The following NEDD4L variants were observed in gnomAD, a reference collection of about 807,000 sequenced individuals.
NEDD4L encodes E3 ubiquitin-protein ligase NEDD4-like.
A neutral mutation model predicts 148.9 loss-of-function variants in NEDD4L; 54 were observed. The observed-to-expected ratio is 0.36, with a 90% confidence interval of 0.29 to 0.45. The LOEUF (loss-of-function observed/expected upper bound fraction) is 0.45, where lower values mean the gene tolerates loss of function less well. Ranked by LOEUF, NEDD4L falls within the 20% of genes least tolerant of loss-of-function variation. The pLI is 1.00. For synonymous variants in NEDD4L, 433 were observed against 440.7 expected, an observed-to-expected ratio of 0.98 and a Z score of 0.22; for missense variants, 856 against 1,233.8, an observed-to-expected ratio of 0.69 and a Z score of 4.59.
rs1351559323 is a variant in NEDD4L, at chr18:58,044,329, A to G, written c.-332A>G. The stretch of plus-strand genomic sequence containing the variant: ...GGCGGAGAGCGGCGGGGCGGGAGGG[A>G]GGCGCGGGTCGCGGGGAGGGAAAGC... On this transcript the variant is annotated 5_prime_UTR_variant, in exon 1 of 31. Transcript: ENST00000400345. 2 of 152,958 alleles carry G rather than the reference A, an allele frequency of 1.3e-5. No individual in the cohort carries two copies. The highest frequency in any genetic ancestry group is 1.9e-4 in the East Asian group (1 of 5,228). The allele number at this position is 152,958 out of a possible 1,614,324, so 9.5% of individuals were successfully genotyped here. A position where few individuals can be genotyped will look rare whatever the true frequency, so the allele number is the denominator to read the frequency against.
intron 1 of NEDD4L, chr18:58,149,632 A>G: frequency 1.1e-6 from 1 of 931,486 alleles, no homozygotes; most frequent in Non-Finnish European, 1.7e-6. Flanking sequence ...AGCTCTCCAC[A>G]TCCACCCATA....
chr18:58,078,914 G>C (rs1332098329), intron 1 of NEDD4L, among the ~76,000 whole-genome samples: 1 of 152,128 alleles, frequency 6.6e-6, no homozygotes, highest in Non-Finnish European at 1.5e-5. Flanking sequence ...TCTCTGGATA[G>C]GTGTCAGTTC....
At chr18:58,069,877 G>A (rs190241976) in intron 1 of NEDD4L, among the ~76,000 whole-genome samples, 1 of 152,322 alleles carries the variant, frequency 6.6e-6, no homozygotes, top group African/African-American at 2.4e-5. Context: ...TGAACCTTGT[G>A]TTTTAACCTG....
In NEDD4L at chr18:58,342,928, G is replaced by A. The variant is rs781089843; in HGVS notation, c.1400G>A (p.Arg467His). The A allele has an allele frequency of 1.9e-5, 31 of 1,611,108 alleles. No homozygotes were observed. The highest frequency in any genetic ancestry group is 1.6e-4 in the Middle Eastern group (1 of 6,074). ...PLEGAKDSPVRRAVKDTLSNP... is the reference protein window; with the variant it reads ...PLEGAKDSPVHRAVKDTLSNP... ...TAGGGTGCCAAGGACTCACCCGTAC[G>A]TCGGGCTGTGAAAGACACCCTTTCC... Residue 467 changes from arginine to histidine, a missense_variant, in exon 16 of 31, where the codon CGT (arginine) becomes CAT (histidine). Coordinates refer to ENST00000400345, the MANE Select transcript of NEDD4L (RefSeq NM_001144967.3).
Position 58,386,145 on chromosome 18 carries a change from C to T in NEDD4L, c.2487+559C>T, listed in dbSNP as rs376336824. ...TCGGCTCACTGCAGCCTCTGCCTCC[C>T]GGGTTCAAGCAATTCTCCTGCCTCA... On this transcript the variant is annotated intron_variant, in intron 26 of 30. Transcript: ENST00000400345. Among the ~76,000 whole-genome samples the T allele has an allele frequency of 3.7e-4, 57 of 152,110 alleles. No individual in the cohort carries two copies. In the South Asian group the frequency reaches 7.7e-3, roughly 21 times the overall value.
intron 5 of NEDD4L, among the ~76,000 whole-genome samples, chr18:58,260,466 T>C (rs954149030): frequency 1.3e-5 from 2 of 152,228 alleles, no homozygotes; most frequent in Non-Finnish European, 2.9e-5. Flanking sequence ...ACTTCACAAT[T>C]TGAAGAATGC....
chr18:58,201,163 T>C (rs1168352454), intron 2 of NEDD4L, among the ~76,000 whole-genome samples: 1 of 152,102 alleles, frequency 6.6e-6, no homozygotes, highest in Non-Finnish European at 1.5e-5. Context: ...TGAAACCCCA[T>C]CTCTACTAAA....
At chr18:58,214,579 A>T in intron 2 of NEDD4L, among the ~76,000 whole-genome samples, 1 of 136,716 alleles carries the variant, frequency 7.3e-6, no homozygotes, top group Non-Finnish European at 1.5e-5. Context: ...TCATATAGTA[A>T]GGATTCCATA....
At chr18:58,374,019 A>G (rs2146362804) in intron 24 of NEDD4L, among the ~76,000 whole-genome samples, 1 of 152,308 alleles carries the variant, frequency 6.6e-6, no homozygotes, top group South Asian at 2.1e-4. Flanking sequence ...GCCCAGAGGT[A>G]TTTCCCATCC....
intron 1 of NEDD4L, chr18:58,045,323 G>A (rs1355333512): frequency 5.1e-6 from 2 of 395,114 alleles, no homozygotes; most frequent in Non-Finnish European, 8.9e-6. Context: ...TTCAAGGCTG[G>A]TGGCAGGTGC....
chr18:58,161,085 C>T (rs1295418898), intron 1 of NEDD4L, among the ~76,000 whole-genome samples: 19 of 152,158 alleles, frequency 1.2e-4, no homozygotes, highest in Middle Eastern at 6.8e-3. Context: ...GGTGCGATCC[C>T]GGCTCACTGC....
intron 5 of NEDD4L, among the ~76,000 whole-genome samples, chr18:58,286,894 T>C (rs894145386): frequency 1.3e-5 from 2 of 152,226 alleles, no homozygotes; most frequent in Non-Finnish European, 1.5e-5. Flanking sequence ...GAGAGTCATC[T>C]ATGGTTGCCA....
At chr18:58,063,039 CTTTTTTTTTTTTTT>C (rs74183235) in intron 1 of NEDD4L, among the ~76,000 whole-genome samples, 1 of 91,152 alleles carries the variant, frequency 1.1e-5, no homozygotes, top group Non-Finnish European at 1.9e-5. Context: ...TTTATTTGTT[CTTTTTTTTTTTTTT>C]TTTTTTTTTT....
intron 2 of NEDD4L, among the ~76,000 whole-genome samples, chr18:58,241,762 A>G (rs1008303804): frequency 6.6e-6 from 1 of 151,982 alleles, no homozygotes; most frequent in African/African-American, 2.4e-5. Context: ...TTCTTGGCAT[A>G]TAGTAGGCAC....
In NEDD4L at chr18:58,256,588, A is replaced by C. The variant is rs1427841632; in HGVS notation, c.297+4534A>C. 3.2e-6 allele frequency: 4 copies of C among 1,232,112 alleles called. No homozygotes were observed. In the South Asian group the frequency reaches 1.2e-4, roughly 38 times the overall value. The allele number at this position is 1,232,112 out of a possible 1,614,324, so 76.3% of individuals were successfully genotyped here. A position where few individuals can be genotyped will look rare whatever the true frequency, so the allele number is the denominator to read the frequency against. ...CTCGAGCTGGCAGGATGGCTCCTGA[A>C]ATCCGCAGGACGAACTCCGCGGAGA... On this transcript the variant is annotated intron_variant, in intron 5 of 30. Transcript: ENST00000400345. This position sits in a 1 kb window ranked among gnomAD's most constrained non-coding sequence, Gnocchi z 5.2.
At chr18:58,342,244 A>G (rs1034553387) in intron 15 of NEDD4L, among the ~76,000 whole-genome samples, 3 of 152,184 alleles carry the variant, frequency 2.0e-5, no homozygotes, top group African/African-American at 4.8e-5. Flanking sequence ...TTTCTGATGC[A>G]TATTTGCATC....
chr18:58,383,630 C>T lies in NEDD4L; in HGVS notation c.2426+311C>T, dbSNP rs145753414. ...TATCAACTAAGATTTAGAATTGCAA[C>T]GGAGAACCACGGTGTCAGTGACCAG... On this transcript the variant is annotated intron_variant, in intron 25 of 30. Transcript: ENST00000400345. Among the ~76,000 whole-genome samples, 696 of 152,220 alleles carry T rather than the reference C, an allele frequency of 4.6e-3. 4 individuals are homozygous for T. Among genetic ancestry groups the T allele is most frequent in the African/African-American group, 0.016 (649 of 41,538 alleles).
intron 10 of NEDD4L, 79 bp downstream of exon 10, chr18:58,329,206 TC>T: frequency 6.9e-7 from 1 of 1,453,236 alleles, no homozygotes. Context: ...TATCATAATT[TC>T]TTCTGTCAGT....
chr18:58,061,955 T>C (rs1285649049), intron 1 of NEDD4L, among the ~76,000 whole-genome samples: 2 of 152,168 alleles, frequency 1.3e-5, no homozygotes, highest in Admixed American at 1.3e-4. Context: ...TTTCCAGTTC[T>C]GGGAAGATTC....
Sources: gnomAD v4.1 joint callset for allele counts (sites outside exome capture counted in the v4.1 genomes callset) on GRCh38, gnomAD v4.1.1 for gene constraint, Gnocchi (gnomAD v3.1) non-coding constraint, MANE v1.5 for transcripts, NCBI Gene and HGNC (gene_info 2026-07-23, HGNC 2026-07-21) for gene names.